The following GSTA1 variants were observed in gnomAD, a reference collection of about 807,000 sequenced individuals.
GSTA1 encodes glutathione S-transferase A1.
Under a neutral mutation model 21.5 loss-of-function variants are expected in GSTA1, and 23 were observed. The observed-to-expected ratio is 1.07, with a 90% CI of 0.77 to 1.52. The LOEUF is 1.52. Among genes scored for constraint, GSTA1 ranks in the 40% most tolerant of loss-of-function variants. The pLI is 0.00. For missense variants in GSTA1, 301 were observed against 264.2 expected (o/e 1.14, Z -0.96); for synonymous variants, 125 against 90.0 (o/e 1.39, Z -2.20).
chr6:52,803,089 CG>C (rs1763753577), intron 1 of GSTA1, among the ~76,000 whole-genome samples: 1 of 151,960 alleles, frequency 6.6e-6, no homozygotes, highest in Non-Finnish European at 1.5e-5. Context: ...GTCATATCTG[CG>C]GGGAGGGAAA....
intron 4 of GSTA1, among the ~76,000 whole-genome samples, chr6:52,795,615 T>C (rs1051580504): frequency 1.3e-5 from 2 of 152,156 alleles, no homozygotes; most frequent in African/African-American, 4.8e-5. Flanking sequence ...GTTTTGCTGG[T>C]ATTGAATCAA....
intron 1 of GSTA1, among the ~76,000 whole-genome samples, chr6:52,800,824 T>C (rs1452483209): frequency 6.6e-6 from 1 of 152,222 alleles, no homozygotes; most frequent in Non-Finnish European, 1.5e-5. Context: ...TGCAAAGTTT[T>C]GTGGTTGTTG....
In GSTA1 at chr6:52,791,759, C is replaced by T. The variant is rs1238421160; in HGVS notation, c.*99G>A. On this transcript the variant is annotated 3_prime_UTR_variant, in exon 7 of 7. Coordinates refer to ENST00000334575, the MANE Select transcript of GSTA1 (RefSeq NM_145740.5). ...CATATAATTTGAAAGAGTTCATTAGCTTCACAACAGGCACAATCAACACTT... is the reference window on the plus strand; with the variant it reads ...CATATAATTTGAAAGAGTTCATTAGTTTCACAACAGGCACAATCAACACTT... The T allele has an allele frequency of 2.9e-6, 4 of 1,401,808 alleles. No individual in the cohort carries two copies. The highest frequency in any genetic ancestry group is 4.6e-5 in the East Asian group (2 of 43,784). The allele number at this position is 1,401,808 out of a possible 1,614,324, so 86.8% of individuals were successfully genotyped here. A position where few individuals can be genotyped will look rare whatever the true frequency, so the allele number is the denominator to read the frequency against.
chr6:52,803,509 A>G (rs868303369), intron 1 of GSTA1, among the ~76,000 whole-genome samples: 2 of 152,158 alleles, frequency 1.3e-5, no homozygotes, highest in Non-Finnish European at 2.9e-5. Context: ...TTAAAATGCT[A>G]CCATTTCTTT....
At chr6:52,798,814 GC>G (rs1175750304) in intron 2 of GSTA1, among the ~76,000 whole-genome samples, 4 of 151,230 alleles carry the variant, frequency 2.6e-5, no homozygotes, top group Non-Finnish European at 5.9e-5. Flanking sequence ...TCTAAAGACA[GC>G]CATAGTACAT....
chr6:52,794,066 A>C, intron 5 of GSTA1, 59 bp downstream of exon 5: 1 of 1,604,928 alleles, frequency 6.2e-7, no homozygotes, highest in Non-Finnish European at 8.5e-7. Flanking sequence ...ATGCCCAGCC[A>C]CTATTTTTCT....
In GSTA1 at chr6:52,797,511, T is replaced by C. The variant is rs1763618120; in HGVS notation, c.139+75A>G. Reference sequence around the variant, plus strand: ...ATACCATGCCCCACACCCATAGACATTGCCGGCTGCGCAAACCTCCCCGTG... The same window carrying C: ...ATACCATGCCCCACACCCATAGACACTGCCGGCTGCGCAAACCTCCCCGTG... On this transcript the variant is annotated intron_variant, in intron 3 of 6. Transcript: ENST00000334575. 4.6e-6 allele frequency: 5 copies of C among 1,089,748 alleles called. No individual in the cohort carries two copies. In the Admixed American group the frequency reaches 8.6e-5, roughly 19 times the overall value. The allele number at this position is 1,089,748 out of a possible 1,614,324, so 67.5% of individuals were successfully genotyped here.
intron 4 of GSTA1, among the ~76,000 whole-genome samples, chr6:52,795,102 T>C (rs963098979): frequency 3.8e-4 from 7 of 18,626 alleles, no homozygotes; most frequent in Non-Finnish European, 1.1e-3. Flanking sequence ...ACCTGTACCA[T>C]TAGCAGTATT....
At chr6:52,796,576 T>A (rs1763596389) in intron 3 of GSTA1, among the ~76,000 whole-genome samples, 1 of 133,660 alleles carries the variant, frequency 7.5e-6, no homozygotes, top group African/African-American at 2.8e-5. Flanking sequence ...CAGAGTATCA[T>A]TCTGTCACCC....
At chr6:52,802,206 A>G (rs1365620502) in intron 1 of GSTA1, among the ~76,000 whole-genome samples, 1 of 152,194 alleles carries the variant, frequency 6.6e-6, no homozygotes, top group African/African-American at 2.4e-5. Flanking sequence ...TACATCAATT[A>G]AAAAATGGGC....
At chr6:52,792,536 T>C (rs1484822293) in intron 6 of GSTA1, among the ~76,000 whole-genome samples, 1 of 151,998 alleles carries the variant, frequency 6.6e-6, no homozygotes, top group Non-Finnish European at 1.5e-5. Flanking sequence ...TGGGCACATA[T>C]GGGATAAAGG....
chr6:52,800,788 C>G (rs1348328955), intron 1 of GSTA1, among the ~76,000 whole-genome samples: 1 of 152,176 alleles, frequency 6.6e-6, no homozygotes, highest in African/African-American at 2.4e-5. Context: ...ACCCCCAGCT[C>G]TGATATTTAA....
chr6:52,796,079 C>A, intron 4 of GSTA1, 103 bp downstream of exon 4: 1 of 1,563,064 alleles, frequency 6.4e-7, no homozygotes, highest in Non-Finnish European at 8.8e-7. Context: ...CAAGGCCCAG[C>A]CTGCTGCTGG....
intron 3 of GSTA1, among the ~76,000 whole-genome samples, chr6:52,797,121 AG>A (rs1452709659): frequency 6.6e-6 from 1 of 152,146 alleles, no homozygotes; most frequent in Non-Finnish European, 1.5e-5. Flanking sequence ...TTTTTATGTA[AG>A]GGTCCCTTTC....
intron 2 of GSTA1, among the ~76,000 whole-genome samples, chr6:52,798,172 T>C (rs1561914009): frequency 6.6e-6 from 1 of 152,214 alleles, no homozygotes; most frequent in Non-Finnish European, 1.5e-5. Context: ...TAATTTTCTC[T>C]TCTGAAGTAC....
chr6:52,796,104 C>T (rs1763572557), intron 4 of GSTA1, 78 bp downstream of exon 4: 1 of 1,603,580 alleles, frequency 6.2e-7, no homozygotes, highest in Non-Finnish European at 8.5e-7. Context: ...GATGCCCTGC[C>T]ATCGTCCCAC....
intron 2 of GSTA1, 53 bp downstream of exon 2, chr6:52,799,128 A>G (rs1763651631): frequency 6.6e-7 from 1 of 1,518,914 alleles, no homozygotes; most frequent in Admixed American, 1.7e-5. Flanking sequence ...TGGGAAAAGT[A>G]TGTGATAACA....
chr6:52,799,047 T>C, intron 2 of GSTA1, 134 bp downstream of exon 2: 1 of 819,010 alleles, frequency 1.2e-6, no homozygotes, highest in South Asian at 1.6e-5. Flanking sequence ...AATCTGTTCA[T>C]CTTTTTCTTA....
At chr6:52,801,800 C>G (rs1472438398) in intron 1 of GSTA1, among the ~76,000 whole-genome samples, 1 of 152,110 alleles carries the variant, frequency 6.6e-6, no homozygotes, top group Non-Finnish European at 1.5e-5. Context: ...CGCAACAACC[C>G]TGGGAAATGG....
Sources: gnomAD v4.1 joint callset for allele counts (sites outside exome capture counted in the v4.1 genomes callset) on GRCh38, gnomAD v4.1.1 for gene constraint, MANE v1.5 for transcripts, NCBI Gene and HGNC (gene_info 2026-07-23, HGNC 2026-07-21) for gene names.